The following TCP11L2 variants were observed in gnomAD, a reference collection of about 807,000 sequenced individuals.
The protein encoded by TCP11L2 is T-complex protein 11-like protein 2.
In TCP11L2, 39 loss-of-function variants were observed where a neutral mutation model predicts 50.7. The ratio of observed to expected loss-of-function variants is 0.77; its 90% CI spans 0.60 to 1.01. The LOEUF (loss-of-function observed/expected upper bound fraction) is 1.01. Ranked by LOEUF, TCP11L2 falls within the 50% of genes least tolerant of loss-of-function variation. TCP11L2 has a pLI of 0.00. For synonymous variants in TCP11L2, 192 were observed against 219.3 expected (o/e 0.88, Z 1.10); for missense variants, 612 against 614.7 (o/e 1.00, Z 0.05).
At chr12:106,310,801 G>A (rs2034823785) in intron 1 of TCP11L2, among the ~76,000 whole-genome samples, 2 of 152,240 alleles carry the variant, frequency 1.3e-5, no homozygotes, top group African/African-American at 2.4e-5. Flanking sequence ...CACATTTATA[G>A]TGGGTGTGTC....
chr12:106,337,454 T>C (rs2035956416), intron 8 of TCP11L2, among the ~76,000 whole-genome samples: 1 of 152,244 alleles, frequency 6.6e-6, no homozygotes, highest in Non-Finnish European at 1.5e-5. Flanking sequence ...AGACCTATAA[T>C]GAAAGGAAAC....
At chr12:106,324,623 T>C (rs2264762) in intron 6 of TCP11L2, 90,043 of 152,084 alleles carry the variant, frequency 0.59, 26,884 homozygotes, top group East Asian at 0.78. Flanking sequence ...AATTAGGTGG[T>C]ATTACAGTTG....
intron 6 of TCP11L2, chr12:106,329,448 C>A (rs750306915): frequency 1.3e-6 from 2 of 1,533,626 alleles, no homozygotes; most frequent in South Asian, 2.4e-5. Context: ...GAAGAGCCAA[C>A]GTTTCACTCT....
chr12:106,313,501 C>A (rs2034936183), intron 2 of TCP11L2, among the ~76,000 whole-genome samples: 1 of 151,448 alleles, frequency 6.6e-6, no homozygotes, highest in Admixed American at 6.6e-5. Flanking sequence ...AATCTCTTGA[C>A]CCCAGGAGGT....
chr12:106,307,824 C>CA (rs991821731), intron 1 of TCP11L2, among the ~76,000 whole-genome samples: 77 of 151,842 alleles, frequency 5.1e-4, no homozygotes, highest in Admixed American at 9.2e-4. Flanking sequence ...ATGATATTAA[C>CA]AAAAAAAAGC....
intron 8 of TCP11L2, among the ~76,000 whole-genome samples, chr12:106,337,278 C>T (rs982387380): frequency 6.6e-6 from 1 of 152,126 alleles, no homozygotes; most frequent in Non-Finnish European, 1.5e-5. Flanking sequence ...CTATTAAGAG[C>T]CAAAAGGAGC....
At chr12:106,318,253 A>T in intron 3 of TCP11L2, 91 bp from the exon 4 acceptor site, 2 of 1,435,908 alleles carry the variant, frequency 1.4e-6, no homozygotes, top group Admixed American at 2.2e-5. Flanking sequence ...TTTTTTTTAC[A>T]TTTTATAAGA....
intron 6 of TCP11L2, among the ~76,000 whole-genome samples, chr12:106,330,982 T>A (rs2035728695): frequency 6.6e-6 from 1 of 152,204 alleles, no homozygotes; most frequent in Non-Finnish European, 1.5e-5. Flanking sequence ...TCATTTCCAG[T>A]GATACATATT....
At position 106,314,367 on chromosome 12, in the gene TCP11L2, C is replaced by G; in HGVS notation, c.167C>G (p.Pro56Arg). 3.7e-6 allele frequency: 6 copies of G among 1,608,632 alleles called. No individual in the cohort carries two copies. Among genetic ancestry groups the G allele is most frequent in the Non-Finnish European group, 5.1e-6 (6 of 1,175,414 alleles). Residue 56 changes from proline to arginine, a missense_variant, in exon 3 of 10, where the codon CCT becomes CGT. Transcript: ENST00000299045. ...TTTGTTTTTCTTTCAGCAACAAGCC[C>G]TCCAAGGGTTGTAACATTTGATGAA... ...SKSSSPASTS[P>R]PRVVTFDEVM...
At chr12:106,314,244 A>G in intron 2 of TCP11L2, 114 bp from the exon 3 acceptor site, 3 of 1,133,626 alleles carry the variant, frequency 2.6e-6, no homozygotes, top group East Asian at 2.4e-5. Flanking sequence ...CTCCTGACCT[A>G]TAAAACTCTG....
At chr12:106,299,818 C>G (rs2034383085), upstream of TCP11L2, among the ~76,000 whole-genome samples, 1 of 152,206 alleles carries the variant, frequency 6.6e-6, no homozygotes, top group Admixed American at 6.5e-5. Flanking sequence ...TGCAACTCCA[C>G]TAGAAAAGTT....
intron 4 of TCP11L2, among the ~76,000 whole-genome samples, chr12:106,318,986 A>G (rs1462183586): frequency 6.6e-6 from 1 of 150,958 alleles, no homozygotes; most frequent in Non-Finnish European, 1.5e-5. Context: ...ATCTCGGCTC[A>G]CTGCAAGCTC....
At chr12:106,298,823 A>AT (rs1318976909), upstream of TCP11L2, among the ~76,000 whole-genome samples, 17 of 131,178 alleles carry the variant, frequency 1.3e-4, no homozygotes, top group Admixed American at 9.1e-4. Flanking sequence ...ATGCCCGGCC[A>AT]TTTTTTTTTG....
At position 106,314,535 on chromosome 12, in the gene TCP11L2, CTGTGTG is replaced by C. The variant is rs55918458; in HGVS notation, c.293+79_293+84del. On this transcript the variant is annotated intron_variant, in intron 3 of 9. Coordinates refer to ENST00000299045, the MANE Select transcript of TCP11L2 (RefSeq NM_152772.3). ...TGTTGTATATAAACTGCTGAAGATT[CTGTGTG>C]TGTGTGTGTGTGTGTGTGTGTGTGT... The C allele has an allele frequency of 1.6e-3, 1,141 of 706,582 alleles. 1 individual carries two copies. The highest frequency in any genetic ancestry group is 2.1e-3 in the East Asian group (45 of 21,700). The allele number at this position is 706,582 out of a possible 1,614,324, so 43.8% of individuals were successfully genotyped here.
chr12:106,305,988 C>A (rs2034616163), intron 1 of TCP11L2, among the ~76,000 whole-genome samples: 1 of 152,196 alleles, frequency 6.6e-6, no homozygotes, highest in African/African-American at 2.4e-5. Context: ...TAGGGATGAA[C>A]TCTTAAAAAG....
intron 5 of TCP11L2, 98 bp downstream of exon 5, chr12:106,321,804 A>G (rs2035349128): frequency 1.0e-6 from 1 of 953,330 alleles, no homozygotes; most frequent in Non-Finnish European, 1.7e-6. Flanking sequence ...CTAGTACCCC[A>G]AATAAATTAC....
At chr12:106,319,433 G>C (rs2035253186) in intron 4 of TCP11L2, among the ~76,000 whole-genome samples, 1 of 152,162 alleles carries the variant, frequency 6.6e-6, no homozygotes, top group Non-Finnish European at 1.5e-5. Flanking sequence ...TTTCAAAAAA[G>C]GATCAAGTTC....
chr12:106,334,669 G>A (rs758600499), intron 6 of TCP11L2, among the ~76,000 whole-genome samples: 6 of 152,140 alleles, frequency 3.9e-5, no homozygotes, highest in East Asian at 1.9e-4. Context: ...TCAGCCGGGC[G>A]CAGTGGCTCA....
intron 2 of TCP11L2, among the ~76,000 whole-genome samples, chr12:106,313,890 C>T (rs1401812113): frequency 2.6e-5 from 4 of 151,334 alleles, no homozygotes; most frequent in African/African-American, 4.9e-5. Context: ...CTCAGCCTTC[C>T]GAGTAGCTGG....
Sources: allele counts gnomAD v4.1 joint callset (sites outside exome capture counted in the v4.1 genomes callset), GRCh38; gene constraint gnomAD v4.1.1; transcripts MANE v1.5; gene names NCBI Gene and HGNC (gene_info 2026-07-23, HGNC 2026-07-21).